Variants in LGR4 observed in about 807,000 individuals in gnomAD.
The protein encoded by LGR4 is leucine-rich repeat-containing G protein-coupled receptor 4.
In LGR4, 44 loss-of-function variants were observed where a neutral mutation model predicts 84.8. The ratio of observed to expected loss-of-function variants is 0.52; its 90% CI spans 0.41 to 0.67. The LOEUF is 0.67. LGR4 is among the 30% of genes least tolerant of loss of function. The probability of loss-of-function intolerance (pLI) is 0.00; values close to 1 mark genes in which losing one functional copy is unlikely to be tolerated. For missense variants in LGR4, 1,032 were observed against 1,131.4 expected (o/e 0.91, Z 1.26); for synonymous variants, 429 against 434.3 (o/e 0.99, Z 0.15).
intron 10 of LGR4, 176 bp from the exon 11 acceptor site, chr11:27,378,944 G>A: frequency 1.7e-6 from 1 of 578,532 alleles, no homozygotes; most frequent in South Asian, 2.2e-5. Flanking sequence ...CCCCAATTCT[G>A]ATATCATCTT....
intron 2 of LGR4, among the ~76,000 whole-genome samples, chr11:27,393,939 TGGG>T (rs1336757147): frequency 1.4e-3 from 14 of 10,292 alleles, no homozygotes; most frequent in African/African-American, 2.3e-3. Context: ...CACTGAAGAT[TGGG>T]GGGGGGGGGG....
intron 1 of LGR4, among the ~76,000 whole-genome samples, chr11:27,431,040 C>T (rs527376052): frequency 6.6e-6 from 1 of 152,290 alleles, no homozygotes; most frequent in East Asian, 1.9e-4. Context: ...CCCCTTCAGA[C>T]AGTCTCTTCT....
intron 1 of LGR4, among the ~76,000 whole-genome samples, chr11:27,461,006 T>G (rs1282902229): frequency 6.6e-6 from 1 of 152,212 alleles, no homozygotes; most frequent in Non-Finnish European, 1.5e-5. Context: ...GCTACTATTC[T>G]GTCTTTGTAA....
At chr11:27,416,568 A>G (rs915179757) in intron 1 of LGR4, among the ~76,000 whole-genome samples, 2 of 152,186 alleles carry the variant, frequency 1.3e-5, no homozygotes, top group African/African-American at 2.4e-5. Flanking sequence ...GAAAGAAACC[A>G]CTTTTACAGA....
At chr11:27,376,542 T>C (rs777601591) in intron 12 of LGR4, among the ~76,000 whole-genome samples, 172 bp from the exon 13 acceptor site, 5 of 152,244 alleles carry the variant, frequency 3.3e-5, no homozygotes, top group Admixed American at 6.5e-5. Context: ...ACTATTCTTA[T>C]GTAACAGTGA....
rs200949215 is a variant in LGR4, at chr11:27,367,849, G to A, written c.*18C>T. The A allele has an allele frequency of 1.7e-5, 27 of 1,544,410 alleles. No individual in the cohort carries two copies. The highest frequency in any genetic ancestry group is 2.2e-5 in the Non-Finnish European group (25 of 1,148,844). ...ACTGATTTTGGTTGACGGGGGAAAC[G>A]GTTACACACACAGTAGTTCAGTCTT... On this transcript the variant is annotated 3_prime_UTR_variant, in exon 18 of 18. Transcript: ENST00000379214.
At position 27,372,299 on chromosome 11, in the gene LGR4, A is replaced by C. The variant is rs750754672; in HGVS notation, c.1479T>G (p.Ser493Arg). The change falls in exon 16 of 18, where the codon AGT becomes AGG. Residue 493 changes from serine (S) to arginine (R), a missense_variant. Ser to Arg is a moderately radical substitution (Grantham distance 110). Transcript: ENST00000379214. The part of the protein sequence containing the change: ...NTEDNSLQDH[S>R]VAQEKGTADA... ...TGCACTTGCCTTTCTCCTGTGCCAC[A>C]CTGTGGTCCTGGAGGCTGTTATCTT... 2.5e-6 allele frequency: 4 copies of C among 1,609,634 alleles called. No individual in the cohort carries two copies. Among genetic ancestry groups the C allele is most frequent in the Non-Finnish European group, 3.4e-6 (4 of 1,176,112 alleles).
intron 1 of LGR4, among the ~76,000 whole-genome samples, chr11:27,450,368 G>A (rs751649306): frequency 1.3e-5 from 2 of 152,096 alleles, no homozygotes; most frequent in South Asian, 2.1e-4. Flanking sequence ...CTTTCCTTCC[G>A]GCAGAATATC....
chr11:27,376,447 G>A (rs1208458945), intron 12 of LGR4, 77 bp from the exon 13 acceptor site: 1 of 684,574 alleles, frequency 1.5e-6, no homozygotes. Flanking sequence ...AAGAGAAAGG[G>A]ATAGAGAAAA....
At chr11:27,416,862 T>C (rs1863829474) in intron 1 of LGR4, among the ~76,000 whole-genome samples, 1 of 152,200 alleles carries the variant, frequency 6.6e-6, no homozygotes, top group Admixed American at 6.5e-5. Flanking sequence ...ACTCTCATCG[T>C]CTTTTCCCCC....
At chr11:27,380,539 T>C (rs1458584592) in intron 9 of LGR4, 101 bp downstream of exon 9, 2 of 913,694 alleles carry the variant, frequency 2.2e-6, no homozygotes, top group African/African-American at 3.4e-5. Flanking sequence ...GAGAAAAAAA[T>C]TTTAAAGATT....
chr11:27,398,531 T>A (rs1473760392), intron 2 of LGR4, among the ~76,000 whole-genome samples: 1 of 152,158 alleles, frequency 6.6e-6, no homozygotes, highest in Non-Finnish European at 1.5e-5. Flanking sequence ...ATTAGACATA[T>A]GGACTGAGCA....
chr11:27,392,366 C>A, intron 3 of LGR4, 81 bp downstream of exon 3: 1 of 1,106,470 alleles, frequency 9.0e-7, no homozygotes, highest in Non-Finnish European at 1.3e-6. Flanking sequence ...AGAAACTGTG[C>A]TTAACCTAGT....
At chr11:27,393,938 TTGGGGGGG>T (rs1201921866) in intron 2 of LGR4, among the ~76,000 whole-genome samples, 407 of 4,300 alleles carry the variant, frequency 0.095, 62 homozygotes, top group African/African-American at 0.11. Flanking sequence ...GCACTGAAGA[TTGGGGGGG>T]GGGGGGGGCG....
At chr11:27,407,539 G>C (rs897582785) in intron 2 of LGR4, among the ~76,000 whole-genome samples, 1 of 151,990 alleles carries the variant, frequency 6.6e-6, no homozygotes, top group Non-Finnish European at 1.5e-5. Flanking sequence ...TATATTTTTA[G>C]CACATAATTA....
chr11:27,404,115 T>C (rs912690920), intron 2 of LGR4, among the ~76,000 whole-genome samples: 3 of 152,208 alleles, frequency 2.0e-5, no homozygotes, highest in African/African-American at 7.2e-5. Flanking sequence ...ACATTTTCAT[T>C]TACTTACAGT....
intron 1 of LGR4, among the ~76,000 whole-genome samples, chr11:27,450,784 G>A (rs1403703606): frequency 6.6e-6 from 1 of 151,880 alleles, no homozygotes; most frequent in African/African-American, 2.4e-5. Context: ...GCAAAACTGC[G>A]TCTCAAGAAA....
chr11:27,413,603 G>A (rs905406184), intron 1 of LGR4, among the ~76,000 whole-genome samples: 2 of 152,120 alleles, frequency 1.3e-5, no homozygotes, highest in African/African-American at 2.4e-5. Context: ...TGAAAGACAG[G>A]TTAAAACAGC....
chr11:27,385,356 G>T lies in LGR4; in HGVS notation c.514C>A (p.Pro172Thr). Residue 172 changes from proline to threonine, a missense_variant, in exon 5 of 18, where the codon CCC (proline) becomes ACC (threonine). Transcript: ENST00000379214. ...DNSLTEVPVH[P>T]LSNLPTLQAL... ...TGTAGGGTGGGCAGATTGCTGAGGG[G>T]GTGCACAGGCACCTCCGTCAAGCTG... The T allele has an allele frequency of 1.2e-6, 2 of 1,612,204 alleles. No homozygotes were observed. The highest frequency in any genetic ancestry group is 1.3e-5 in the African/African-American group (1 of 75,030).
Sources: gnomAD v4.1 joint callset for allele counts (sites outside exome capture counted in the v4.1 genomes callset) on GRCh38, gnomAD v4.1.1 for gene constraint, MANE v1.5 for transcripts, NCBI Gene and HGNC (gene_info 2026-07-23, HGNC 2026-07-21) for gene names.